Variants in NIBAN1 observed in about 807,000 individuals in gnomAD.
NIBAN1 encodes the protein niban apoptosis regulator 1, also known as protein Niban 1.
In NIBAN1, 81 loss-of-function variants were observed where a neutral mutation model predicts 75.1. That is an observed-to-expected ratio of 1.08 (90% CI 0.90 to 1.30). The LOEUF is 1.30. Among genes scored for constraint, NIBAN1 ranks in the 50% most tolerant of loss-of-function variants. The probability of loss-of-function intolerance (pLI) is 0.00; values close to 1 mark genes in which losing one functional copy is unlikely to be tolerated. For missense variants in NIBAN1, 1,133 were observed against 1,128.1 expected (o/e 1.00, Z -0.06); for synonymous variants, 436 against 424.8 (o/e 1.03, Z -0.32).
At chr1:184,842,695 G>A (rs1267462001) in intron 5 of NIBAN1, among the ~76,000 whole-genome samples, 1 of 113,908 alleles carries the variant, frequency 8.8e-6, no homozygotes, top group African/African-American at 3.3e-5. Flanking sequence ...GGAGGTTGCA[G>A]TGAGCCGAGA....
intron 1 of NIBAN1, among the ~76,000 whole-genome samples, chr1:184,932,747 A>T (rs1356561971): frequency 6.6e-6 from 1 of 152,250 alleles, no homozygotes; most frequent in East Asian, 1.9e-4. Flanking sequence ...CTTAAAAGTT[A>T]TGAATAATGT....
chr1:184,869,608 T>A (rs1571533490), intron 5 of NIBAN1, among the ~76,000 whole-genome samples: 1 of 151,972 alleles, frequency 6.6e-6, no homozygotes, highest in Admixed American at 6.6e-5. Context: ...AGTGGCTCCA[T>A]CTCGGCTCAC....
intron 1 of NIBAN1, among the ~76,000 whole-genome samples, chr1:184,931,551 G>C (rs770410304): frequency 6.6e-6 from 1 of 152,174 alleles, no homozygotes; most frequent in Non-Finnish European, 1.5e-5. Context: ...TGAAGTTGGA[G>C]GATAAATTTG....
rs1557867626 is a variant in NIBAN1 at position 184,798,160 on chromosome 1, C to A, written c.1585G>T (p.Ala529Ser). ...ACGTGAATCATATTGGTATGATCTG[C>A]AAAGATGAACTGCTCGTATTTCTGA... is the stretch of plus-strand genomic sequence containing the variant. ...ELQKYEQFIFADHTNMIHVEN... is the reference protein window; with the variant it reads ...ELQKYEQFIFSDHTNMIHVEN... The change falls in exon 13 of 14, where the codon GCA (alanine) becomes TCA (serine). Residue 529 changes from alanine (A) to serine (S), a missense_variant. Ala to Ser is a moderately conservative substitution (Grantham distance 99). Transcript: ENST00000367511. 1 of 1,606,802 alleles carries A rather than the reference C, an allele frequency of 6.2e-7. No individual in the cohort carries two copies. The highest frequency in any genetic ancestry group is 8.5e-7 in the Non-Finnish European group (1 of 1,174,512).
Position 184,798,176 on chromosome 1 carries a change from G to C in NIBAN1, c.1569C>G (p.Tyr523Ter). ...TATGATCTGCAAAGATGAACTGCTC[G>C]TATTTCTGAAGCTCCTGGAGAGCAA... ...ASTCKPELQK[Y>*]EQFIFADHTN... The change falls in exon 13 of 14, where the codon TAC becomes TAG. Residue 523 changes from tyrosine (Y) to a stop codon, truncating the protein, a stop_gained. Coordinates refer to ENST00000367511, the MANE Select transcript of NIBAN1 (RefSeq NM_052966.4). LOFTEE classifies it high-confidence loss of function. 1 of 1,602,196 alleles carries C rather than the reference G, an allele frequency of 6.2e-7. No individual in the cohort carries two copies. The highest frequency in any genetic ancestry group is 8.5e-7 in the Non-Finnish European group (1 of 1,171,126).
At chr1:184,810,787 C>T (rs1452612067) in intron 9 of NIBAN1, among the ~76,000 whole-genome samples, 1 of 152,158 alleles carries the variant, frequency 6.6e-6, no homozygotes, top group Non-Finnish European at 1.5e-5. Context: ...AGGGACTGCC[C>T]GATTTGCGAA....
intron 6 of NIBAN1, among the ~76,000 whole-genome samples, chr1:184,826,860 C>T (rs1389700337): frequency 1.3e-5 from 2 of 151,500 alleles, no homozygotes; most frequent in African/African-American, 2.4e-5. Flanking sequence ...TTACGAGTGG[C>T]GGGGGGGTGA....
At chr1:184,802,464 T>G (rs1654071163) in intron 12 of NIBAN1, among the ~76,000 whole-genome samples, 1 of 152,222 alleles carries the variant, frequency 6.6e-6, no homozygotes, top group African/African-American at 2.4e-5. Flanking sequence ...ATCATTTGGC[T>G]GCTGAACTGT....
At chr1:184,800,943 G>C (rs1654023577) in intron 12 of NIBAN1, among the ~76,000 whole-genome samples, 1 of 152,102 alleles carries the variant, frequency 6.6e-6, no homozygotes, top group South Asian at 2.1e-4. Flanking sequence ...ATTCCTTCTA[G>C]GATAGCTCAG....
intron 5 of NIBAN1, among the ~76,000 whole-genome samples, chr1:184,834,443 T>C (rs1449712011): frequency 6.6e-6 from 1 of 152,082 alleles, no homozygotes; most frequent in African/African-American, 2.4e-5. Context: ...CAGTCTTCCA[T>C]AATGGTTGAA....
chr1:184,832,040 A>G (rs1183378862), intron 5 of NIBAN1, 78 bp from the exon 6 acceptor site: 2 of 1,000,530 alleles, frequency 2.0e-6, no homozygotes, highest in Non-Finnish European at 3.2e-6. Context: ...GTAATGGCTC[A>G]GAGACCTAGC....
intron 1 of NIBAN1, among the ~76,000 whole-genome samples, chr1:184,952,492 G>A (rs763432613): frequency 2.6e-4 from 40 of 152,348 alleles, no homozygotes; most frequent in Middle Eastern, 3.4e-3. Flanking sequence ...GGGATTCCCC[G>A]GGCCACATTG....
chr1:184,941,621 G>T (rs904785666), intron 1 of NIBAN1, among the ~76,000 whole-genome samples: 1 of 145,928 alleles, frequency 6.9e-6, no homozygotes, highest in Non-Finnish European at 1.5e-5. Flanking sequence ...CTGCACTCCA[G>T]CCTGGGCTTT....
intron 5 of NIBAN1, among the ~76,000 whole-genome samples, chr1:184,841,561 A>T (rs489435): frequency 0.087 from 13,273 of 152,318 alleles, 642 homozygotes; most frequent in African/African-American, 0.13. Context: ...CTTGGAAAGG[A>T]AAAACCTAGA....
At chr1:184,822,239 G>C (rs1239284481) in intron 8 of NIBAN1, among the ~76,000 whole-genome samples, 2 of 152,196 alleles carry the variant, frequency 1.3e-5, no homozygotes, top group African/African-American at 4.8e-5. Flanking sequence ...GGGTGTGTTT[G>C]TTGGGTTGTA....
At chr1:184,930,601 G>C (rs1419049499) in intron 1 of NIBAN1, among the ~76,000 whole-genome samples, 1 of 152,206 alleles carries the variant, frequency 6.6e-6, no homozygotes, top group Admixed American at 6.5e-5. Context: ...GGACCATCAA[G>C]AGGTAAACCA....
At chr1:184,853,120 C>T (rs1655588981) in intron 5 of NIBAN1, among the ~76,000 whole-genome samples, 1 of 152,138 alleles carries the variant, frequency 6.6e-6, no homozygotes, top group South Asian at 2.1e-4. Context: ...TAACTTATAT[C>T]TTTCTTTTTA....
At chr1:184,859,464 T>C (rs1444455628) in intron 5 of NIBAN1, among the ~76,000 whole-genome samples, 3 of 152,172 alleles carry the variant, frequency 2.0e-5, no homozygotes, top group Non-Finnish European at 4.4e-5. Context: ...TCTAAGGTAC[T>C]TTCCAGCTCT....
chr1:184,796,099 T>C lies in NIBAN1; in HGVS notation c.1667-2A>G. 2 of 1,510,042 alleles carry C rather than the reference T, an allele frequency of 1.3e-6. No individual in the cohort carries two copies. The highest frequency in any genetic ancestry group is 1.8e-6 in the Non-Finnish European group (2 of 1,134,160). 93.5% of individuals were successfully genotyped at this position (1,510,042 alleles called of 1,614,324 possible). On this transcript the variant is annotated splice_acceptor_variant, in intron 13 of 13. Transcript: ENST00000367511. LOFTEE classifies it high-confidence loss of function. ...TCAAGATAGCAGCTTCCTTTATCACTGAGAGATATCAGAAAACAAAACATG... is the reference window on the plus strand; with the variant it reads ...TCAAGATAGCAGCTTCCTTTATCACCGAGAGATATCAGAAAACAAAACATG...
Sources: allele counts gnomAD v4.1 joint callset (sites outside exome capture counted in the v4.1 genomes callset), GRCh38; gene constraint gnomAD v4.1.1; transcripts MANE v1.5; gene names NCBI Gene and HGNC (gene_info 2026-07-23, HGNC 2026-07-21).